PDE7B: variants seen among roughly 807,000 people sequenced by gnomAD.
The protein encoded by PDE7B is phosphodiesterase 7B.
In PDE7B, 29 loss-of-function variants were observed where a neutral mutation model predicts 56.2. The observed-to-expected ratio is 0.52, with a 90% CI of 0.38 to 0.70. PDE7B has a LOEUF of 0.70. PDE7B is among the 30% of genes least tolerant of loss of function. The probability of loss-of-function intolerance (pLI) is 0.00; values close to 1 mark genes in which losing one functional copy is unlikely to be tolerated. For synonymous variants in PDE7B, 197 were observed against 196.9 expected (o/e 1.00, Z 0.00); for missense variants, 490 against 565.0 (o/e 0.87, Z 1.35).
At chr6:136,149,244 CTT>C (rs1342361760) in intron 5 of PDE7B, 94 bp downstream of exon 5, 5 of 798,558 alleles carry the variant, frequency 6.3e-6, no homozygotes, top group Non-Finnish European at 1.1e-5. Flanking sequence ...ACTGCTATTC[CTT>C]TTTCCTTCTT....
At chr6:136,160,735 G>T (rs1778690418) in intron 8 of PDE7B, among the ~76,000 whole-genome samples, 1 of 152,074 alleles carries the variant, frequency 6.6e-6, no homozygotes. Context: ...TCTGACCCCT[G>T]CCAGTCCTTC....
rs1436649469 is a variant in PDE7B, at chr6:135,935,190, T to TTTTATATATATATATATATATATA, written c.22-12273_22-12272insTTATATATATATATATATATATAT. On this transcript the variant is annotated intron_variant, in intron 1 of 12. Coordinates refer to ENST00000308191, the MANE Select transcript of PDE7B (RefSeq NM_018945.4). Reference sequence around the variant, plus strand: ...GAGAATTTTATATATATATATTTATTTATATATATATATATATATATATAT... The same window carrying TTTTATATATATATATATATATATA: ...GAGAATTTTATATATATATATTTATTTTTATATATATATATATATATATATATATATATATATATATATATATAT... 9.1e-4 allele frequency among the ~76,000 whole-genome samples: 33 copies of TTTTATATATATATATATATATATA among 36,182 alleles called. 1 individual carries two copies. Among genetic ancestry groups the TTTTATATATATATATATATATATA allele is most frequent in the African/African-American group, 2.0e-3 (17 of 8,352 alleles). The allele number at this position is 36,182 out of a possible 152,430, so 23.7% of individuals were successfully genotyped here.
chr6:135,863,655 C>A (rs533347675), intron 1 of PDE7B, among the ~76,000 whole-genome samples: 1 of 149,490 alleles, frequency 6.7e-6, no homozygotes, highest in African/African-American at 2.5e-5. Flanking sequence ...AACTTCCTGG[C>A]GAATTGAAAT....
chr6:136,099,635 G>A (rs1244276729), intron 2 of PDE7B, among the ~76,000 whole-genome samples: 1 of 151,828 alleles, frequency 6.6e-6, no homozygotes, highest in African/African-American at 2.4e-5. Flanking sequence ...TTTTTTTCTT[G>A]TAAATTTGTT....
chr6:136,140,692 G>C (rs1031542293), intron 3 of PDE7B, among the ~76,000 whole-genome samples: 1 of 152,096 alleles, frequency 6.6e-6, no homozygotes, highest in Admixed American at 6.6e-5. Flanking sequence ...CACATCCCTT[G>C]TAAGTTGGAT....
chr6:136,140,664 C>A (rs1367510251), intron 3 of PDE7B, among the ~76,000 whole-genome samples: 3 of 152,122 alleles, frequency 2.0e-5, no homozygotes, highest in East Asian at 3.9e-4. Flanking sequence ...GTTTGTAGTT[C>A]TCCTTGAAGA....
chr6:136,050,853 A>G (rs1023460935), intron 2 of PDE7B, among the ~76,000 whole-genome samples: 1 of 152,160 alleles, frequency 6.6e-6, no homozygotes, highest in Non-Finnish European at 1.5e-5. Context: ...GGAACAGTGT[A>G]ATCTTTGATG....
intron 2 of PDE7B, among the ~76,000 whole-genome samples, chr6:135,953,196 T>G (rs1220584875): frequency 4.0e-5 from 6 of 150,504 alleles, no homozygotes; most frequent in Admixed American, 6.8e-5. Context: ...CTTTGTCAGC[T>G]AATAAAGTTG....
chr6:135,883,660 A>G lies in PDE7B; in HGVS notation c.21+31641A>G, dbSNP rs150566024. ...AGTGCTCACATGTGGCTGGCACTGA[A>G]CTAGGCTGTGTCCTCTGTCTTTGGT... On this transcript the variant is annotated intron_variant, in intron 1 of 12. Transcript: ENST00000308191. 4.0e-4 allele frequency among the ~76,000 whole-genome samples: 61 copies of G among 152,300 alleles called. 1 individual carries two copies. Among genetic ancestry groups the G allele is most frequent in the African/African-American group, 1.4e-3 (58 of 41,570 alleles).
intron 2 of PDE7B, among the ~76,000 whole-genome samples, chr6:136,026,231 T>A (rs1776148185): frequency 6.6e-6 from 1 of 152,196 alleles, no homozygotes; most frequent in Non-Finnish European, 1.5e-5. Flanking sequence ...TGAAGGGAGA[T>A]CAGATGTTCC....
intron 3 of PDE7B, among the ~76,000 whole-genome samples, chr6:136,127,687 T>C (rs571632722): frequency 6.6e-6 from 1 of 152,276 alleles, no homozygotes; most frequent in Admixed American, 6.5e-5. Context: ...TTCGATATAA[T>C]TAGAAATCTG....
chr6:136,180,106 T>C (rs757233301), intron 10 of PDE7B, among the ~76,000 whole-genome samples: 1 of 152,226 alleles, frequency 6.6e-6, no homozygotes, highest in Non-Finnish European at 1.5e-5. Flanking sequence ...CACCTGGAGA[T>C]TGAATGGTGC....
intron 2 of PDE7B, among the ~76,000 whole-genome samples, chr6:135,972,780 A>C (rs1197738411): frequency 6.6e-6 from 1 of 152,224 alleles, no homozygotes; most frequent in Non-Finnish European, 1.5e-5. Flanking sequence ...GGACTAAAAG[A>C]AAACCCAAGA....
At chr6:135,876,841 A>G (rs1380333410) in intron 1 of PDE7B, among the ~76,000 whole-genome samples, 1 of 151,340 alleles carries the variant, frequency 6.6e-6, no homozygotes, top group African/African-American at 2.5e-5. Flanking sequence ...CCTGGGTGAC[A>G]GTGAGAGACT....
At chr6:136,191,013 C>CTTTTTTTTTTTTTTTTTTTTTTTTT (rs752187218) in intron 12 of PDE7B, among the ~76,000 whole-genome samples, 3 of 99,304 alleles carry the variant, frequency 3.0e-5, no homozygotes, top group African/African-American at 1.8e-4. Flanking sequence ...CCAGCATACA[C>CTTTTTTTTTTTTTTTTTTTTTTTTT]TTTTTTTTTT....
intron 1 of PDE7B, among the ~76,000 whole-genome samples, chr6:135,928,482 T>TA (rs1562442898): frequency 1.0e-4 from 10 of 100,254 alleles, no homozygotes; most frequent in East Asian, 7.1e-4. Flanking sequence ...TATATATATA[T>TA]TTATTTATAT....
chr6:135,990,280 G>C (rs991281034), intron 2 of PDE7B, among the ~76,000 whole-genome samples: 2 of 152,074 alleles, frequency 1.3e-5, no homozygotes, highest in Admixed American at 1.3e-4. Context: ...ATTTTTAGTA[G>C]AGACGGGGTT....
At chr6:136,163,808 A>C (rs1301673105) in intron 8 of PDE7B, among the ~76,000 whole-genome samples, 1 of 152,250 alleles carries the variant, frequency 6.6e-6, no homozygotes, top group Non-Finnish European at 1.5e-5. Context: ...GCTAAAGCAT[A>C]GCAAGAGTCA....
chr6:136,089,477 A>T (rs1777349805), intron 2 of PDE7B, among the ~76,000 whole-genome samples: 1 of 152,246 alleles, frequency 6.6e-6, no homozygotes, highest in Non-Finnish European at 1.5e-5. Flanking sequence ...TCAGAGAAAG[A>T]TGCAATTGTT....
Sources: gnomAD v4.1 joint callset for allele counts (sites outside exome capture counted in the v4.1 genomes callset) on GRCh38, gnomAD v4.1.1 for gene constraint, MANE v1.5 for transcripts, NCBI Gene and HGNC (gene_info 2026-07-23, HGNC 2026-07-21) for gene names.